Variants in RBPJ observed in about 807,000 individuals in gnomAD.
The protein encoded by RBPJ is recombination signal binding protein for immunoglobulin kappa J region.
In RBPJ, 9 loss-of-function variants were observed where a neutral mutation model predicts 67.8. The ratio of observed to expected loss-of-function variants is 0.13; its 90% CI spans 0.08 to 0.23. RBPJ has a LOEUF of 0.23. RBPJ is among the 10% of genes least tolerant of loss of function. The probability of loss-of-function intolerance (pLI) is 1.00; values close to 1 mark genes in which losing one functional copy is unlikely to be tolerated. For synonymous variants in RBPJ, 198 were observed against 203.3 expected, an observed-to-expected ratio of 0.97 and a Z score of 0.22; for missense variants, 305 against 595.6, an observed-to-expected ratio of 0.51 and a Z score of 5.08.
chr4:26,174,051 G>C (rs182510719), intron 1 of RBPJ, among the ~76,000 whole-genome samples: 14 of 152,206 alleles, frequency 9.2e-5, no homozygotes, highest in Admixed American at 3.9e-4. Flanking sequence ...CAGGAAGGAC[G>C]CACTTACCAT....
At chr4:26,285,016 C>A (rs979997647) in intron 1 of RBPJ, among the ~76,000 whole-genome samples, 2 of 152,022 alleles carry the variant, frequency 1.3e-5, no homozygotes, top group African/African-American at 4.8e-5. Flanking sequence ...ACCACCACGC[C>A]TGGTTAATTT....
intron 2 of RBPJ, among the ~76,000 whole-genome samples, chr4:26,405,926 A>G (rs1733352783): frequency 6.6e-6 from 1 of 152,244 alleles, no homozygotes; most frequent in African/African-American, 2.4e-5. Flanking sequence ...ATAAATTCCA[A>G]AGAATGAGAG....
intron 1 of RBPJ, among the ~76,000 whole-genome samples, chr4:26,332,566 T>A (rs1354482441): frequency 6.6e-6 from 1 of 152,200 alleles, no homozygotes; most frequent in Non-Finnish European, 1.5e-5. Context: ...TTCTTAGAAA[T>A]TAATTGATTT....
In RBPJ at chr4:26,430,116, C is replaced by A; in HGVS notation, c.1044+63C>A. 1 of 1,542,674 alleles carries A rather than the reference C, an allele frequency of 6.5e-7. No homozygotes were observed. The highest frequency in any genetic ancestry group is 8.9e-7 in the Non-Finnish European group (1 of 1,117,702). On this transcript the variant is annotated intron_variant, in intron 9 of 10. Coordinates refer to ENST00000355476, the MANE Select transcript of RBPJ (RefSeq NM_015874.6). This position sits in a 1 kb window ranked among gnomAD's most constrained non-coding sequence, Gnocchi z 4.1. The stretch of plus-strand genomic sequence containing the variant: ...GCAGCTACTCTCAGCTGTGACCTGG[C>A]ATCATTTCATTTCATGGGAGTTTTG...
Position 26,394,470 on chromosome 4 carries a change from C to CA in RBPJ, c.59+8093dup, listed in dbSNP as rs746553983. ...CACAAGTATAACTTGACTGTCAGTTCAAAAAAAAAAAAAACCAAATAGAAT... is the reference window on the plus strand; with the variant it reads ...CACAAGTATAACTTGACTGTCAGTTCAAAAAAAAAAAAAAACCAAATAGAAT... On this transcript the variant is annotated intron_variant, in intron 2 of 10. Transcript: ENST00000355476. Among the ~76,000 whole-genome samples the CA allele has an allele frequency of 3.7e-3, 390 of 106,832 alleles. 1 individual carries two copies. Among genetic ancestry groups the CA allele is most frequent in the South Asian group, 7.2e-3 (25 of 3,450 alleles). 70.1% of individuals were successfully genotyped at this position (106,832 alleles called of 152,430 possible).
intron 1 of RBPJ, among the ~76,000 whole-genome samples, chr4:26,216,037 C>T (rs1200503142): frequency 2.0e-5 from 3 of 152,092 alleles, no homozygotes; most frequent in South Asian, 2.1e-4. Context: ...CCAAAGACCC[C>T]GGGGGAAATT....
intron 1 of RBPJ, among the ~76,000 whole-genome samples, chr4:26,299,400 C>T (rs1051962145): frequency 2.0e-5 from 3 of 152,232 alleles, no homozygotes; most frequent in Middle Eastern, 3.4e-3. Flanking sequence ...TAATATTTTT[C>T]TGCCCTTAAG....
intron 1 of RBPJ, among the ~76,000 whole-genome samples, chr4:26,222,642 A>ATATC (rs1427496173): frequency 2.1e-5 from 3 of 142,060 alleles, no homozygotes; most frequent in African/African-American, 8.3e-5. Context: ...AAATATATAT[A>ATATC]TATATATATA....
chr4:26,180,577 T>C (rs1020369724), intron 1 of RBPJ, among the ~76,000 whole-genome samples: 2 of 152,156 alleles, frequency 1.3e-5, no homozygotes, highest in Non-Finnish European at 1.5e-5. Flanking sequence ...GGTATCTCCC[T>C]GGGGCCTCTT....
At chr4:26,278,662 G>T (rs913072598) in intron 1 of RBPJ, among the ~76,000 whole-genome samples, 7 of 152,150 alleles carry the variant, frequency 4.6e-5, no homozygotes, top group African/African-American at 1.7e-4. Flanking sequence ...ATAATTCCCA[G>T]ACTATCTCCT....
At chr4:26,140,304 T>C in the RBPJ span, among the ~76,000 whole-genome samples, 2 of 152,188 alleles carry the variant, frequency 1.3e-5, no homozygotes, top group African/African-American at 4.8e-5. Context: ...GAAGGCTTCA[T>C]GTCTCTACTA....
intron 2 of RBPJ, among the ~76,000 whole-genome samples, chr4:26,390,749 A>G (rs961227182): frequency 3.9e-5 from 6 of 152,256 alleles, no homozygotes; most frequent in Admixed American, 3.3e-4. Flanking sequence ...TTCTTCAGGT[A>G]GAAGACCTAA....
chr4:26,410,002 G>A (rs1038197843), intron 3 of RBPJ: 3 of 452,894 alleles, frequency 6.6e-6, no homozygotes, highest in African/African-American at 6.0e-5. Flanking sequence ...TATGATAAAG[G>A]GGAAACCCAT....
intron 2 of RBPJ, among the ~76,000 whole-genome samples, chr4:26,397,908 C>T (rs1732306817): frequency 6.6e-6 from 1 of 152,224 alleles, no homozygotes; most frequent in African/African-American, 2.4e-5. Context: ...GCTGGGATTA[C>T]AGGCGTGAGC....
At chr4:26,372,432 G>A (rs753668951) in intron 1 of RBPJ, among the ~76,000 whole-genome samples, 1 of 152,168 alleles carries the variant, frequency 6.6e-6, no homozygotes, top group African/African-American at 2.4e-5. Context: ...TCTTAATTAA[G>A]CAATTTGACG....
chr4:26,227,524 T>G (rs73114505), intron 1 of RBPJ, among the ~76,000 whole-genome samples: 394 of 152,306 alleles, frequency 2.6e-3, no homozygotes, highest in African/African-American at 9.2e-3. Flanking sequence ...AAGATGGGAC[T>G]CTATATGAAG....
chr4:26,238,417 A>C (rs1016486670), intron 1 of RBPJ, among the ~76,000 whole-genome samples: 6 of 152,188 alleles, frequency 3.9e-5, no homozygotes, highest in African/African-American at 1.4e-4. Context: ...AAACAAGGAG[A>C]ATCATTGTAT....
chr4:26,278,881 A>G (rs1721164890), intron 1 of RBPJ, among the ~76,000 whole-genome samples: 1 of 152,210 alleles, frequency 6.6e-6, no homozygotes, highest in Non-Finnish European at 1.5e-5. Flanking sequence ...GGCAGGCATC[A>G]GGAAGTTTGG....
At chr4:26,173,763 T>C (rs1378861460) in intron 1 of RBPJ, among the ~76,000 whole-genome samples, 1 of 152,164 alleles carries the variant, frequency 6.6e-6, no homozygotes, top group Non-Finnish European at 1.5e-5. Flanking sequence ...TAATACAACA[T>C]GTGTATACTC....
Sources: allele counts gnomAD v4.1 joint callset (sites outside exome capture counted in the v4.1 genomes callset), GRCh38; gene constraint gnomAD v4.1.1; non-coding constraint Gnocchi (gnomAD v3.1); transcripts MANE v1.5; gene names NCBI Gene and HGNC (gene_info 2026-07-23, HGNC 2026-07-21).